The following HSDL1 variants were observed in gnomAD, a reference collection of about 807,000 sequenced individuals.
HSDL1 encodes hydroxysteroid dehydrogenase like 1.
In HSDL1, 29 loss-of-function variants were observed where a neutral mutation model predicts 31.5. The ratio of observed to expected loss-of-function variants is 0.92; its 90% confidence interval spans 0.69 to 1.26. The LOEUF (loss-of-function observed/expected upper bound fraction) is 1.26, where lower values mean the gene tolerates loss of function less well. Ranked by LOEUF, HSDL1 falls within the 50% of genes most tolerant of loss-of-function variation. The pLI is 0.00. For missense variants in HSDL1, 503 were observed against 416.6 expected, an observed-to-expected ratio of 1.21 and a Z score of -1.81; for synonymous variants, 222 against 155.2, an observed-to-expected ratio of 1.43 and a Z score of -3.20.
intron 1 of HSDL1, among the ~76,000 whole-genome samples, chr16:84,137,497 A>G (rs2086723649): frequency 6.6e-6 from 1 of 152,118 alleles, no homozygotes; most frequent in Non-Finnish European, 1.5e-5. Context: ...TTGTTTAGGA[A>G]GGTAACGCAG....
At position 84,136,872 on chromosome 16, in the gene HSDL1, TTCC is replaced by T. The variant is rs1179966075; in HGVS notation, c.-68-1270_-68-1268del. Among the ~76,000 whole-genome samples, 5 of 152,316 alleles carry T rather than the reference TTCC, an allele frequency of 3.3e-5. No individual in the cohort carries two copies. In the East Asian group the frequency reaches 9.6e-4, roughly 29 times the overall value. ...GATGGATAGAAACCCAAGTTCTTCA[TTCC>T]TTAGAGGCAGCTCAAGACAAAGAAA... is the stretch of plus-strand genomic sequence containing the variant. On this transcript the variant is annotated intron_variant, in intron 1 of 5. Transcript: ENST00000219439.
chr16:84,127,115 GGTCAGTGACTTCTAA>G (rs1301150751), intron 5 of HSDL1, among the ~76,000 whole-genome samples: 2 of 151,046 alleles, frequency 1.3e-5, no homozygotes, highest in Non-Finnish European at 2.9e-5. Context: ...AAAATTTTAT[GGTCAGTGACTTCTAA>G]GACTACTTTT....
intron 1 of HSDL1, among the ~76,000 whole-genome samples, chr16:84,136,557 A>G (rs1338968069): frequency 6.6e-6 from 1 of 152,164 alleles, no homozygotes; most frequent in African/African-American, 2.4e-5. Context: ...TTGATCCTTT[A>G]CAGAAAGAAA....
At chr16:84,126,332 TTCAGGGTCTCAC>T (rs2086606563) in intron 5 of HSDL1, among the ~76,000 whole-genome samples, 1 of 152,020 alleles carries the variant, frequency 6.6e-6, no homozygotes, top group African/African-American at 2.4e-5. Flanking sequence ...GCTGCTCTGC[TTCAGGGTCTCAC>T]TCAGGGCCTT....
intron 5 of HSDL1, chr16:84,125,131 C>G: frequency 5.6e-6 from 1 of 177,338 alleles, no homozygotes; most frequent in Non-Finnish European, 1.2e-5. Context: ...ACCCACCAAT[C>G]ACAACAAATA....
At position 84,134,228 on chromosome 16, in the gene HSDL1, C is replaced by A. The variant is rs1222420338; in HGVS notation, c.-7+1316G>T. Among the ~76,000 whole-genome samples the A allele has an allele frequency of 4.6e-5, 7 of 152,210 alleles. No individual in the cohort carries two copies. In the Middle Eastern group the frequency reaches 0.01, roughly 222 times the overall value. The stretch of plus-strand genomic sequence containing the variant: ...CTGCTGGATATGCTGATGACGGGCA[C>A]GGTATCAGAGTTTTCACACTGGCTG... On this transcript the variant is annotated intron_variant, in intron 2 of 5. Coordinates refer to ENST00000219439, the MANE Select transcript of HSDL1 (RefSeq NM_031463.5).
At chr16:84,142,962 G>A (rs954152908) in intron 1 of HSDL1, among the ~76,000 whole-genome samples, 1 of 152,100 alleles carries the variant, frequency 6.6e-6, no homozygotes, top group East Asian at 1.9e-4. Context: ...AGGACTAAAC[G>A]CACAATGAAG....
rs1384293752 is a variant in HSDL1 at position 84,130,091 on chromosome 16, A to G, written c.561T>C (p.Val187=). 1.2e-6 allele frequency: 2 copies of G among 1,614,168 alleles called. No homozygotes were observed. Among genetic ancestry groups the G allele is most frequent in the Admixed American group, 1.7e-5 (1 of 60,014 alleles). Residue 187 remains valine, a synonymous_variant, in exon 4 of 6, where the codon GTT becomes GTC. Transcript: ENST00000219439. The part of the protein sequence containing the change: ...NIAAASLMVH[V]VLPGMVERKK... ...TTCTCTCCACCATTCCCGGTAACAC[A>G]ACATGGACCATCAAACTAGCGGCGG... is the stretch of plus-strand genomic sequence containing the variant.
chr16:84,130,661 C>T (rs1426397511), intron 3 of HSDL1, among the ~76,000 whole-genome samples: 1 of 152,222 alleles, frequency 6.6e-6, no homozygotes, highest in African/African-American at 2.4e-5. Context: ...ATTTTACATT[C>T]ACCATATTGG....
Position 84,129,642 on chromosome 16 carries a change from C to A in HSDL1, c.800G>T (p.Trp267Leu). The A allele has an allele frequency of 6.2e-7, 1 of 1,614,162 alleles. No homozygotes were observed. Among genetic ancestry groups the A allele is most frequent in the South Asian group, 1.1e-5 (1 of 91,084 alleles). The change falls in exon 5 of 6, where the codon TGG (tryptophan) becomes TTG (leucine). Residue 267 changes from tryptophan to leucine, a missense_variant. Physicochemically the swap from Trp to Leu is moderately conservative, Grantham distance 61. Coordinates refer to ENST00000219439, the MANE Select transcript of HSDL1 (RefSeq NM_031463.5). ...ATAGACTTTTGGCGAAGGCACCAAC[C>A]ACGAGCACCTGTGCAGAAAGTTGCT... ...APSNFLHRCS[W>L]LVPSPKVYAH...
rs922620365 is a variant in HSDL1 at position 84,123,394 on chromosome 16, T to TA, written c.*1235dup. On this transcript the variant is annotated 3_prime_UTR_variant, in exon 6 of 6. Coordinates refer to ENST00000219439, the MANE Select transcript of HSDL1 (RefSeq NM_031463.5). ...ATATTGTCATATTCATATAGTGACTTAGAGTTTTCAAAGCACTAGGTACAT... is the reference window on the plus strand; with the variant it reads ...ATATTGTCATATTCATATAGTGACTTAAGAGTTTTCAAAGCACTAGGTACAT... The TA allele has an allele frequency of 4.6e-5, 7 of 152,346 alleles. No homozygotes were observed. The East Asian group carries it at 9.6e-4, about 21-fold the overall frequency. The allele number at this position is 152,346 out of a possible 1,614,324, so 9.4% of individuals were successfully genotyped here. A position where few individuals can be genotyped will look rare whatever the true frequency, so the allele number is the denominator to read the frequency against.
chr16:84,139,606 C>A lies in HSDL1; in HGVS notation c.-68-4001G>T, dbSNP rs371066425. Among the ~76,000 whole-genome samples the A allele has an allele frequency of 9.0e-4, 137 of 152,304 alleles. 4 individuals are homozygous for A. In the South Asian group the frequency reaches 0.026, roughly 29 times the overall value. On this transcript the variant is annotated intron_variant, in intron 1 of 5. Coordinates refer to ENST00000219439, the MANE Select transcript of HSDL1 (RefSeq NM_031463.5). ...ACATCTGTGTCATTTTAAGCCACTA[C>A]CTTTGTGGCAATTTGTTACATCAGC...
intron 5 of HSDL1, among the ~76,000 whole-genome samples, chr16:84,128,906 C>T (rs1295040050): frequency 6.6e-6 from 1 of 151,910 alleles, no homozygotes; most frequent in Non-Finnish European, 1.5e-5. Context: ...CAGGGTTTCA[C>T]CATATTGGCC....
intron 4 of HSDL1, 102 bp downstream of exon 4, chr16:84,129,884 A>G (rs1258733044): frequency 1.4e-6 from 2 of 1,401,898 alleles, no homozygotes; most frequent in African/African-American, 2.9e-5. Flanking sequence ...CAGGATAAGC[A>G]TATGTGAGTT....
In HSDL1 at chr16:84,122,668, T is replaced by G. The variant is rs2086565885; in HGVS notation, c.*1962A>C. On this transcript the variant is annotated 3_prime_UTR_variant, in exon 6 of 6. Coordinates refer to ENST00000219439, the MANE Select transcript of HSDL1 (RefSeq NM_031463.5). ...CACTCGGCCCCTATTTCCCACATTC[T>G]TAATGACACCCCATCCACAGTGGTC... The G allele has an allele frequency of 6.6e-6, 1 of 152,236 alleles. No homozygotes were observed. The highest frequency in any genetic ancestry group is 2.4e-5 in the African/African-American group (1 of 41,444). The allele number at this position is 152,236 out of a possible 1,614,324, so 9.4% of individuals were successfully genotyped here.
At chr16:84,135,697 A>G (rs2086705954) in intron 1 of HSDL1, 92 bp from the exon 2 acceptor site, 1 of 152,258 alleles carries the variant, frequency 6.6e-6, no homozygotes, top group African/African-American at 2.4e-5. Flanking sequence ...CCAAGTGCTC[A>G]AAAATTAAGA....
intron 1 of HSDL1, among the ~76,000 whole-genome samples, chr16:84,135,975 G>C (rs941270361): frequency 6.6e-6 from 1 of 152,256 alleles, no homozygotes; most frequent in African/African-American, 2.4e-5. Flanking sequence ...GGGGAAGAGA[G>C]CAGCCACAGC....
intron 5 of HSDL1, among the ~76,000 whole-genome samples, chr16:84,127,823 A>G (rs1005964427): frequency 1.4e-5 from 2 of 147,006 alleles, no homozygotes; most frequent in African/African-American, 5.1e-5. Flanking sequence ...GGTTCACGCC[A>G]TTCTCCTGCC....
intron 5 of HSDL1, among the ~76,000 whole-genome samples, chr16:84,127,721 T>TC (rs1347459445): frequency 9.4e-5 from 14 of 149,222 alleles, no homozygotes; most frequent in Non-Finnish European, 1.8e-4. Context: ...CTGGTATTTT[T>TC]TTTTTTTTTT....
Sources: gnomAD v4.1 joint callset for allele counts (sites outside exome capture counted in the v4.1 genomes callset) on GRCh38, gnomAD v4.1.1 for gene constraint, MANE v1.5 for transcripts, NCBI Gene and HGNC (gene_info 2026-07-23, HGNC 2026-07-21) for gene names.